The following MCTP2 variants were observed in gnomAD, a reference collection of about 807,000 sequenced individuals.
MCTP2 encodes the protein multiple C2 and transmembrane domain-containing protein 2.
MCTP2 carries 132 observed loss-of-function variants against 111.6 expected under a neutral mutation model. That is an observed-to-expected ratio of 1.18 (90% CI 1.03 to 1.37). The LOEUF (loss-of-function observed/expected upper bound fraction) is 1.37. Ranked by LOEUF, MCTP2 falls within the 40% of genes most tolerant of loss-of-function variation. The pLI is 0.00. For missense variants in MCTP2, 1,183 were observed against 1,067.9 expected (o/e 1.11, Z -1.50); for synonymous variants, 395 against 387.7 (o/e 1.02, Z -0.22).
intron 19 of MCTP2, among the ~76,000 whole-genome samples, chr15:94,449,826 C>T (rs2084331646): frequency 6.6e-6 from 1 of 152,176 alleles, no homozygotes; most frequent in African/African-American, 2.4e-5. Flanking sequence ...ATTCACACAG[C>T]TAAACCAGCA....
At chr15:94,476,276 AC>A (rs1483546790) in intron 21 of MCTP2, 1 of 155,762 alleles carries the variant, frequency 6.4e-6, no homozygotes, top group Non-Finnish European at 1.4e-5. Context: ...CCCATCTGGG[AC>A]ATTTGTTTTC....
Position 94,303,064 on chromosome 15 carries a change from A to T in MCTP2, c.465+4334A>T, listed in dbSNP as rs576197129. Among the ~76,000 whole-genome samples the T allele has an allele frequency of 1.5e-4, 19 of 125,916 alleles. No individual in the cohort carries two copies. The South Asian group carries it at 4.9e-3, about 32-fold the overall frequency. 82.6% of individuals were successfully genotyped at this position (125,916 alleles called of 152,430 possible). A position where few individuals can be genotyped will look rare whatever the true frequency, so the allele number is the denominator to read the frequency against. ...TCTAGAGGGGCAGAACTAATGGAAT[A>T]TATATATATAGTTTATATATATATA... is the stretch of plus-strand genomic sequence containing the variant. On this transcript the variant is annotated intron_variant, in intron 2 of 22. Transcript: ENST00000357742.
rs138719947 is a variant in MCTP2, at chr15:94,435,044, A to G, written c.2086-5132A>G. Among the ~76,000 whole-genome samples the G allele has an allele frequency of 6.1e-3, 930 of 151,920 alleles. 11 individuals carry two copies. The highest frequency in any genetic ancestry group is 0.022 in the African/African-American group (897 of 41,434). ...ATGCCTGGCTAATTTTTCTATTTTTAGTAGAGACAGGGTTTCACCATGTTG... is the reference window on the plus strand; with the variant it reads ...ATGCCTGGCTAATTTTTCTATTTTTGGTAGAGACAGGGTTTCACCATGTTG... On this transcript the variant is annotated intron_variant, in intron 17 of 22. Coordinates refer to ENST00000357742, the MANE Select transcript of MCTP2 (RefSeq NM_001385001.1).
chr15:94,388,256 G>A (rs2080636084), intron 14 of MCTP2, among the ~76,000 whole-genome samples: 1 of 152,188 alleles, frequency 6.6e-6, no homozygotes, highest in African/African-American at 2.4e-5. Flanking sequence ...CACAGCCTGG[G>A]CCATTCCTTT....
chr15:94,303,064 A>ATATATATATAGTTTATATACATATAGTT (rs2075703503), intron 2 of MCTP2, among the ~76,000 whole-genome samples: 2 of 125,924 alleles, frequency 1.6e-5, no homozygotes, highest in Admixed American at 1.7e-4. Context: ...CTAATGGAAT[A>ATATATATATAGTTTATATACATATAGTT]TATATATATA....
At chr15:94,258,095 C>T (rs12900386) in intron 1 of MCTP2, among the ~76,000 whole-genome samples, 54,067 of 142,658 alleles carry the variant, frequency 0.38, 10,424 homozygotes, top group Middle Eastern at 0.51. Context: ...AGGCTGGTCT[C>T]GAACCCCTGA....
intron 1 of MCTP2, among the ~76,000 whole-genome samples, chr15:94,233,683 A>G (rs2070347292): frequency 6.6e-6 from 1 of 152,198 alleles, no homozygotes. Context: ...TGATCTGGCG[A>G]GGAATCAAGT....
chr15:94,294,558 G>A (rs938748009), intron 1 of MCTP2, among the ~76,000 whole-genome samples: 2 of 152,172 alleles, frequency 1.3e-5, no homozygotes, highest in African/African-American at 4.8e-5. Context: ...ACAGGACAGT[G>A]TAGTGCATGG....
chr15:94,326,152 A>G (rs2076862227), intron 4 of MCTP2, among the ~76,000 whole-genome samples: 1 of 152,008 alleles, frequency 6.6e-6, no homozygotes, highest in Non-Finnish European at 1.5e-5. Context: ...TTTCTTTCTA[A>G]AATGAAAGAG....
intron 4 of MCTP2, among the ~76,000 whole-genome samples, chr15:94,327,873 G>C (rs2076951737): frequency 1.3e-5 from 2 of 152,202 alleles, no homozygotes; most frequent in South Asian, 4.1e-4. Flanking sequence ...ACTCTGTGCA[G>C]TCTTGTGGAT....
chr15:94,414,584 T>G (rs960130669), intron 17 of MCTP2, among the ~76,000 whole-genome samples: 8 of 152,194 alleles, frequency 5.3e-5, no homozygotes, highest in African/African-American at 1.9e-4. Flanking sequence ...AATAGGTTAT[T>G]GCCTGACTAG....
intron 12 of MCTP2, among the ~76,000 whole-genome samples, chr15:94,382,481 T>G (rs563221106): frequency 2.0e-4 from 30 of 152,404 alleles, no homozygotes; most frequent in African/African-American, 7.2e-4. Context: ...GGAATCTAAG[T>G]GTCCAGGCCA....
intron 8 of MCTP2, among the ~76,000 whole-genome samples, chr15:94,346,751 G>A (rs2078001795): frequency 6.6e-6 from 1 of 152,178 alleles, no homozygotes; most frequent in Non-Finnish European, 1.5e-5. Context: ...GAGGACAGGA[G>A]AGGTTGTGGA....
In MCTP2 at chr15:94,481,685, C is replaced by A. The variant is rs1366900270; in HGVS notation, c.*2651C>A. The A allele has an allele frequency of 6.6e-6, 1 of 152,304 alleles. No individual in the cohort carries two copies. The highest frequency in any genetic ancestry group is 2.4e-5 in the African/African-American group (1 of 41,476). The allele number at this position is 152,304 out of a possible 1,614,324, so 9.4% of individuals were successfully genotyped here. A position where few individuals can be genotyped will look rare whatever the true frequency, so the allele number is the denominator to read the frequency against. On this transcript the variant is annotated 3_prime_UTR_variant, in exon 23 of 23. Transcript: ENST00000357742. ...TGTGACTCCAACTTCCTTTTTTGTA[C>A]CATCACATCTTTCATATCTTTCTGG... is the stretch of plus-strand genomic sequence containing the variant.
At chr15:94,245,562 A>T (rs937389720) in intron 1 of MCTP2, among the ~76,000 whole-genome samples, 1 of 143,542 alleles carries the variant, frequency 7.0e-6, no homozygotes, top group South Asian at 2.1e-4. Context: ...ATATGTATAC[A>T]TATATGTATA....
At chr15:94,281,484 T>C (rs2074484563) in intron 1 of MCTP2, among the ~76,000 whole-genome samples, 1 of 152,196 alleles carries the variant, frequency 6.6e-6, no homozygotes, top group African/African-American at 2.4e-5. Flanking sequence ...GAAGACAACA[T>C]GCAGTTGGGT....
At chr15:94,463,421 A>C (rs2085334014) in intron 20 of MCTP2, among the ~76,000 whole-genome samples, 1 of 152,326 alleles carries the variant, frequency 6.6e-6, no homozygotes, top group African/African-American at 2.4e-5. Flanking sequence ...ACATATAGAC[A>C]TGAAATTAAT....
chr15:94,293,375 T>A (rs1365708505), intron 1 of MCTP2, among the ~76,000 whole-genome samples: 1 of 152,120 alleles, frequency 6.6e-6, no homozygotes, highest in Non-Finnish European at 1.5e-5. Flanking sequence ...AAACCCAATT[T>A]CTAAAAATTG....
rs182356131 is a variant in MCTP2 at position 94,320,466 on chromosome 15, T to G, written c.637+4829T>G. ...CTAGTTTATTAATCTTTGTATGCCC[T>G]CCTGTGCTATAACTGATGGTTTATA... is the stretch of plus-strand genomic sequence containing the variant. On this transcript the variant is annotated intron_variant, in intron 4 of 22. Coordinates refer to ENST00000357742, the MANE Select transcript of MCTP2 (RefSeq NM_001385001.1). Among the ~76,000 whole-genome samples, 7 of 152,290 alleles carry G rather than the reference T, an allele frequency of 4.6e-5. No homozygotes were observed. The East Asian group carries it at 1.4e-3, about 29-fold the overall frequency.
Sources: gnomAD v4.1 joint callset for allele counts (sites outside exome capture counted in the v4.1 genomes callset) on GRCh38, gnomAD v4.1.1 for gene constraint, MANE v1.5 for transcripts, NCBI Gene and HGNC (gene_info 2026-07-23, HGNC 2026-07-21) for gene names.